Variants in CACNA1A observed in about 807,000 individuals in gnomAD.
CACNA1A encodes voltage-dependent P/Q-type calcium channel subunit alpha-1A.
CACNA1A carries 57 observed loss-of-function variants against 262.4 expected under a neutral mutation model. The observed-to-expected ratio is 0.22, with a 90% CI of 0.18 to 0.27. The LOEUF (loss-of-function observed/expected upper bound fraction) is 0.27, where lower values mean the gene tolerates loss of function less well. Among genes scored for constraint, CACNA1A ranks in the 10% least tolerant of loss-of-function variants. The probability of loss-of-function intolerance (pLI) is 1.00; values close to 1 mark genes in which losing one functional copy is unlikely to be tolerated. For missense variants in CACNA1A, 2,526 were observed against 3,562.8 expected (o/e 0.71, Z 7.41); for synonymous variants, 1,431 against 1,419.3 (o/e 1.01, Z -0.18).
At chr19:13,459,807 C>G (rs960232789) in intron 1 of CACNA1A, among the ~76,000 whole-genome samples, 4 of 152,180 alleles carry the variant, frequency 2.6e-5, no homozygotes, top group Non-Finnish European at 2.9e-5. Context: ...TGGACCGGCT[C>G]TGGCACTGAA....
At chr19:13,354,201 C>G (rs988974558) in intron 6 of CACNA1A, among the ~76,000 whole-genome samples, 3 of 152,200 alleles carry the variant, frequency 2.0e-5, no homozygotes, top group Admixed American at 1.3e-4. Flanking sequence ...CTCTGCGGTA[C>G]ACCTGTGTCC....
chr19:13,406,933 TCACA>T (rs368380885), intron 3 of CACNA1A, among the ~76,000 whole-genome samples: 3 of 151,384 alleles, frequency 2.0e-5, no homozygotes, highest in Admixed American at 1.3e-4. Context: ...ACAAGCACAT[TCACA>T]CACACACAAA....
chr19:13,352,777 C>G (rs1056272154), intron 6 of CACNA1A, among the ~76,000 whole-genome samples: 5 of 152,130 alleles, frequency 3.3e-5, no homozygotes, highest in Non-Finnish European at 7.4e-5. Flanking sequence ...GGGAACCATG[C>G]ATCACTTCTT....
In CACNA1A at chr19:13,298,938, G is replaced by A; in HGVS notation, c.2695C>T (p.Arg899Cys). The change falls in exon 19 of 47, where the codon CGC becomes TGC. Residue 899 changes from arginine (R) to cysteine (C), a missense_variant. By Grantham distance (180) the Arg-to-Cys change is radical. Coordinates refer to ENST00000360228, the MANE Select transcript of CACNA1A (RefSeq NM_001127222.2). ...TCCCGGGCGTGGTGGTCCGACTCGC[G>A]GCCGTAGGGTCCCTCCCGGCTCAGC... The part of the protein sequence containing the change: ...AELSREGPYG[R>C]ESDHHAREGS... 1 of 1,593,174 alleles carries A rather than the reference G, an allele frequency of 6.3e-7. No homozygotes were observed. The highest frequency in any genetic ancestry group is 8.5e-7 in the Non-Finnish European group (1 of 1,177,240).
At chr19:13,261,710 C>T in intron 25 of CACNA1A, 100 bp from the exon 26 acceptor site, 1 of 1,177,928 alleles carries the variant, frequency 8.5e-7, no homozygotes. Context: ...TGATCATTCC[C>T]ATTTTACAGG....
chr19:13,418,284 G>C (rs142714114), intron 3 of CACNA1A, among the ~76,000 whole-genome samples: 104 of 152,214 alleles, frequency 6.8e-4, no homozygotes, highest in Non-Finnish European at 1.3e-3. Flanking sequence ...GGGAGTGGAG[G>C]TGGGGGCAGA....
At chr19:13,390,766 TA>T (rs1384152243) in intron 3 of CACNA1A, among the ~76,000 whole-genome samples, 1 of 152,188 alleles carries the variant, frequency 6.6e-6, no homozygotes, top group Non-Finnish European at 1.5e-5. Flanking sequence ...AGGTAGATAC[TA>T]TTTTCTCCAT....
chr19:13,320,372 C>T (rs1328104020), intron 10 of CACNA1A, among the ~76,000 whole-genome samples: 4 of 152,142 alleles, frequency 2.6e-5, no homozygotes, highest in African/African-American at 9.7e-5. Context: ...TTGGGCAAGC[C>T]ACCTTGGTAA....
chr19:13,208,320 A>C (rs967975558), intron 46 of CACNA1A, among the ~76,000 whole-genome samples: 5 of 152,006 alleles, frequency 3.3e-5, no homozygotes, highest in African/African-American at 9.7e-5. Flanking sequence ...AAGTGAAAAG[A>C]GAAATGAGAA....
chr19:13,261,274 C>G (rs2056728196), intron 26 of CACNA1A, 176 bp downstream of exon 26: 1 of 577,962 alleles, frequency 1.7e-6, no homozygotes, highest in South Asian at 2.5e-5. Flanking sequence ...TGGGTGGTGA[C>G]TCAAATTCTA....
intron 17 of CACNA1A, among the ~76,000 whole-genome samples, chr19:13,302,222 C>T (rs1218832300): frequency 6.6e-6 from 1 of 152,216 alleles, no homozygotes; most frequent in Non-Finnish European, 1.5e-5. Flanking sequence ...CTCTCCCTGA[C>T]TTTCCCTACT....
At chr19:13,413,113 G>GC (rs1555783041) in intron 3 of CACNA1A, among the ~76,000 whole-genome samples, 1 of 115,942 alleles carries the variant, frequency 8.6e-6, no homozygotes, top group Non-Finnish European at 1.7e-5. Context: ...TTTTTTTTTT[G>GC]TTTTTTTTTT....
chr19:13,431,931 CCT>C (rs1397210752), intron 3 of CACNA1A, among the ~76,000 whole-genome samples: 1 of 151,624 alleles, frequency 6.6e-6, no homozygotes, highest in East Asian at 1.9e-4. Context: ...ATGGTGAAAC[CCT>C]GTCCCTACTA....
Position 13,367,598 on chromosome 19 carries a change from G to A in CACNA1A, c.632-2129C>T, listed in dbSNP as rs192665053. Among the ~76,000 whole-genome samples the A allele has an allele frequency of 1.5e-4, 21 of 143,652 alleles. No homozygotes were observed. In the East Asian group the frequency reaches 2.6e-3, roughly 18 times the overall value. 94.2% of individuals were successfully genotyped at this position (143,652 alleles called of 152,430 possible). On this transcript the variant is annotated intron_variant, in intron 4 of 46. Transcript: ENST00000360228. ...AAAAAATTAGCTGGGCGTGGTGGCG[G>A]GCACCTGTAGTCCTGGCTACTCGGG...
chr19:13,311,220 G>C (rs2058027925), intron 12 of CACNA1A, among the ~76,000 whole-genome samples: 1 of 152,132 alleles, frequency 6.6e-6, no homozygotes, highest in Non-Finnish European at 1.5e-5. Context: ...CTTCTGAGTA[G>C]CTGGGGCTAC....
intron 3 of CACNA1A, among the ~76,000 whole-genome samples, chr19:13,415,775 T>TAAAAAAAAAAAAAAAAAAAAAA (rs1568623943): frequency 4.8e-5 from 4 of 83,778 alleles, no homozygotes; most frequent in Non-Finnish European, 9.9e-5. Context: ...AAAAAAAAAG[T>TAAAAAAAAAAAAAAAAAAAAAA]AGATGGGGCC....
In CACNA1A at chr19:13,230,089, C is replaced by T. The variant is rs753229469; in HGVS notation, c.5521G>A (p.Ala1841Thr). 10 of 1,612,966 alleles carry T rather than the reference C, an allele frequency of 6.2e-6. No individual in the cohort carries two copies. In the Admixed American group the frequency reaches 6.7e-5, roughly 11 times the overall value. The change falls in exon 36 of 47, where the codon GCA becomes ACA. Residue 1841 changes from alanine to threonine, a missense_variant. Around this residue, in one of 17 missense-constraint regions of CACNA1A, gnomAD observed 112 missense variants for 197.2 expected, o/e 0.57. Coordinates refer to ENST00000360228, the MANE Select transcript of CACNA1A (RefSeq NM_001127222.2). ...TTCGGGGTGACTTCTTACCAAGCTGCGGGGTCATACTCGGCCCAGACACGC... is the reference window on the plus strand; with the variant it reads ...TTCGGGGTGACTTCTTACCAAGCTGTGGGGTCATACTCGGCCCAGACACGC... ...YVRVWAEYDP[A>T]AWGRMPYLDM...
intron 1 of CACNA1A, among the ~76,000 whole-genome samples, chr19:13,455,659 A>G (rs1322043798): frequency 6.6e-6 from 1 of 152,138 alleles, no homozygotes; most frequent in African/African-American, 2.4e-5. Context: ...TATGTTATGT[A>G]GTAAGATGGT....
At chr19:13,486,407 T>A (rs200314964) in intron 1 of CACNA1A, among the ~76,000 whole-genome samples, 21 of 117,836 alleles carry the variant, frequency 1.8e-4, no homozygotes, top group Admixed American at 4.9e-4. Flanking sequence ...TCTCTCTCTC[T>A]CACACACACA....
Sources: allele counts gnomAD v4.1 joint callset (sites outside exome capture counted in the v4.1 genomes callset), GRCh38; gene constraint gnomAD v4.1.1; regional missense constraint gnomAD v4.1.1; transcripts MANE v1.5; gene names NCBI Gene and HGNC (gene_info 2026-07-23, HGNC 2026-07-21).